Variants in ENTHD1 observed in about 807,000 individuals in gnomAD.
ENTHD1 encodes the protein ENTH domain-containing protein 1.
ENTHD1 carries 23 observed loss-of-function variants against 39.1 expected under a neutral mutation model. The ratio of observed to expected loss-of-function variants is 0.59; its 90% CI spans 0.42 to 0.83. ENTHD1 has a LOEUF of 0.83. Among genes scored for constraint, ENTHD1 ranks in the 40% least tolerant of loss-of-function variants. The probability of loss-of-function intolerance (pLI) is 0.00; values close to 1 mark genes in which losing one functional copy is unlikely to be tolerated. For synonymous variants in ENTHD1, 230 were observed against 258.2 expected (o/e 0.89, Z 1.05); for missense variants, 624 against 705.4 (o/e 0.88, Z 1.31).
At chr22:39,852,519 T>C (rs2066050574) in intron 3 of ENTHD1, among the ~76,000 whole-genome samples, 1 of 152,228 alleles carries the variant, frequency 6.6e-6, no homozygotes, top group Non-Finnish European at 1.5e-5. Flanking sequence ...GAGAAATGCA[T>C]TGCTAGGCAA....
chr22:39,877,209 C>T (rs1369975566), intron 2 of ENTHD1, among the ~76,000 whole-genome samples: 1 of 152,176 alleles, frequency 6.6e-6, no homozygotes, highest in Non-Finnish European at 1.5e-5. Flanking sequence ...GCTGTCCACC[C>T]AAGACCTTCA....
Position 39,765,485 on chromosome 22 carries a change from C to T in ENTHD1, c.957G>A (p.Lys319=), listed in dbSNP as rs148018395. 6 of 1,613,762 alleles carry T rather than the reference C, an allele frequency of 3.7e-6. No individual in the cohort carries two copies. The highest frequency in any genetic ancestry group is 5.1e-6 in the Non-Finnish European group (6 of 1,179,940). ...TENLLETPLE[K]QSAAEGLKTL... ...TTTTAAGACCTTCTGCAGCTGATTGCTTTTCTAAAGGTGTTTCCAAGAGGT... is the reference window on the plus strand; with the variant it reads ...TTTTAAGACCTTCTGCAGCTGATTGTTTTTCTAAAGGTGTTTCCAAGAGGT... Residue 319 remains lysine (K), a synonymous_variant, in exon 6 of 7, where the codon AAG becomes AAA. Transcript: ENST00000325157.
chr22:39,862,741 AT>A (rs1348728301), intron 2 of ENTHD1, among the ~76,000 whole-genome samples: 1 of 152,190 alleles, frequency 6.6e-6, no homozygotes, highest in African/African-American at 2.4e-5. Flanking sequence ...AGAAATCACC[AT>A]ATATGTACAC....
intron 2 of ENTHD1, among the ~76,000 whole-genome samples, chr22:39,864,626 G>A (rs1229718776): frequency 6.6e-6 from 1 of 152,178 alleles, no homozygotes; most frequent in East Asian, 1.9e-4. Flanking sequence ...CTGGCACACA[G>A]TAGATGCTCA....
At position 39,859,915 on chromosome 22, in the gene ENTHD1, C is replaced by T. The variant is rs542999927; in HGVS notation, c.592+1850G>A. 3.3e-5 allele frequency among the ~76,000 whole-genome samples: 5 copies of T among 152,242 alleles called. No individual in the cohort carries two copies. In the East Asian group the frequency reaches 7.7e-4, roughly 23 times the overall value. On this transcript the variant is annotated intron_variant, in intron 3 of 6. Transcript: ENST00000325157. ...TGTAATTAAGCAAAGTGCAATCGATCGAGGTATGCCTGTATGTGGGTTGCT... is the reference window on the plus strand; with the variant it reads ...TGTAATTAAGCAAAGTGCAATCGATTGAGGTATGCCTGTATGTGGGTTGCT...
At chr22:39,860,196 T>G (rs187348371) in intron 3 of ENTHD1, among the ~76,000 whole-genome samples, 1 of 152,202 alleles carries the variant, frequency 6.6e-6, no homozygotes, top group African/African-American at 2.4e-5. Context: ...CTGCTGAATA[T>G]CCAAATTTTA....
intron 2 of ENTHD1, among the ~76,000 whole-genome samples, chr22:39,864,606 G>A (rs1482872260): frequency 6.6e-6 from 1 of 152,168 alleles, no homozygotes; most frequent in Admixed American, 6.5e-5. Context: ...TTCAGTGTCT[G>A]CAAGAGTGAC....
chr22:39,803,061 A>G (rs1346212336), intron 5 of ENTHD1, among the ~76,000 whole-genome samples: 1 of 152,164 alleles, frequency 6.6e-6, no homozygotes, highest in Non-Finnish European at 1.5e-5. Flanking sequence ...AAATAAATAC[A>G]AATCAGATTC....
chr22:39,850,952 C>G (rs898792468), intron 3 of ENTHD1, among the ~76,000 whole-genome samples: 3 of 152,148 alleles, frequency 2.0e-5, no homozygotes, highest in African/African-American at 7.2e-5. Context: ...ATTATTCTCT[C>G]TTGAATTTTC....
intron 3 of ENTHD1, among the ~76,000 whole-genome samples, chr22:39,845,920 T>C (rs545645104): frequency 6.6e-6 from 1 of 152,124 alleles, no homozygotes; most frequent in Admixed American, 6.5e-5. Context: ...CCTCAAAATC[T>C]ACTACAAAAC....
At chr22:39,816,647 C>G (rs944934092) in intron 5 of ENTHD1, among the ~76,000 whole-genome samples, 1 of 151,956 alleles carries the variant, frequency 6.6e-6, no homozygotes, top group Non-Finnish European at 1.5e-5. Context: ...TAAAACCATT[C>G]GCAAATACTT....
At chr22:39,838,889 A>T (rs1351796159) in intron 3 of ENTHD1, among the ~76,000 whole-genome samples, 1 of 152,156 alleles carries the variant, frequency 6.6e-6, no homozygotes, top group African/African-American at 2.4e-5. Context: ...ATGACTTCAG[A>T]GAGAAAAGGG....
chr22:39,745,922 A>T (rs2146526926), intron 6 of ENTHD1, among the ~76,000 whole-genome samples: 1 of 152,220 alleles, frequency 6.6e-6, no homozygotes, highest in South Asian at 2.1e-4. Context: ...CATTGCATGT[A>T]ACCTGTTTTA....
Position 39,820,998 on chromosome 22 carries a change from C to T in ENTHD1, c.827G>A (p.Gly276Asp), listed in dbSNP as rs1257013551. 1.5e-5 allele frequency: 25 copies of T among 1,613,776 alleles called. No individual in the cohort carries two copies. Among genetic ancestry groups the T allele is most frequent in the South Asian group, 5.5e-5 (5 of 91,058 alleles). The change falls in exon 5 of 7, where the codon GGT (glycine) becomes GAT (aspartate). Residue 276 changes from glycine (G) to aspartate (D), a missense_variant. Gly to Asp is a moderately conservative substitution (Grantham distance 94, BLOSUM62 -1). Coordinates refer to ENST00000325157, the MANE Select transcript of ENTHD1 (RefSeq NM_152512.4). ...CTATTCCTTAACCAATTTACCTGCA[C>T]CCGAAAGATTACAAACTTCTTCTGC... ...SEAEEVCNLS[G>D]ADAVPTLSEN...
At chr22:39,787,922 A>C (rs951871018) in intron 5 of ENTHD1, among the ~76,000 whole-genome samples, 2 of 152,226 alleles carry the variant, frequency 1.3e-5, no homozygotes, top group Non-Finnish European at 2.9e-5. Context: ...GCAACTGGTA[A>C]CTTTAAGTGG....
chr22:39,851,410 A>T (rs1345349649), intron 3 of ENTHD1, among the ~76,000 whole-genome samples: 1 of 152,160 alleles, frequency 6.6e-6, no homozygotes, highest in African/African-American at 2.4e-5. Flanking sequence ...ATGCGATTAT[A>T]TCCTTTATTT....
intron 1 of ENTHD1, among the ~76,000 whole-genome samples, chr22:39,889,016 A>G (rs2066406010): frequency 6.6e-6 from 1 of 152,190 alleles, no homozygotes; most frequent in African/African-American, 2.4e-5. Flanking sequence ...GCTAAACCTA[A>G]AAGAAAGGAG....
intron 5 of ENTHD1, among the ~76,000 whole-genome samples, chr22:39,777,715 A>G (rs2065376921): frequency 1.3e-5 from 2 of 152,238 alleles, no homozygotes; most frequent in South Asian, 4.1e-4. Context: ...ATGGATTATA[A>G]TGAATGGATT....
rs1031044015 is a variant in ENTHD1, at chr22:39,743,588, T to C, written c.*91A>G. 2.2e-6 allele frequency: 3 copies of C among 1,379,072 alleles called. No homozygotes were observed. The African/African-American group carries it at 4.4e-5, about 20-fold the overall frequency. 85.4% of individuals were successfully genotyped at this position (1,379,072 alleles called of 1,614,324 possible). A position where few individuals can be genotyped will look rare whatever the true frequency, so the allele number is the denominator to read the frequency against. The stretch of plus-strand genomic sequence containing the variant: ...AGGAAAAATTAAACCATCCCCTTTT[T>C]TGCCATAATAATATGAATTTATACA... On this transcript the variant is annotated 3_prime_UTR_variant, in exon 7 of 7. Transcript: ENST00000325157.
Sources: allele counts gnomAD v4.1 joint callset (sites outside exome capture counted in the v4.1 genomes callset), GRCh38; gene constraint gnomAD v4.1.1; transcripts MANE v1.5; gene names NCBI Gene and HGNC (gene_info 2026-07-23, HGNC 2026-07-21).